Variants in BCAR3 observed in about 807,000 individuals in gnomAD.
The protein encoded by BCAR3 is breast cancer anti-estrogen resistance protein 3.
Under a neutral mutation model 80.1 loss-of-function variants are expected in BCAR3, and 37 were observed. That is an observed-to-expected ratio of 0.46 (90% CI 0.36 to 0.61). BCAR3 has a LOEUF of 0.61. Ranked by LOEUF, BCAR3 falls within the 20% of genes least tolerant of loss-of-function variation. The pLI is 0.00. For synonymous variants in BCAR3, 389 were observed against 418.9 expected, an observed-to-expected ratio of 0.93 and a Z score of 0.87; for missense variants, 978 against 1,068.2, an observed-to-expected ratio of 0.92 and a Z score of 1.18.
chr1:93,616,855 C>T (rs1330230627), intron 3 of BCAR3, among the ~76,000 whole-genome samples: 2 of 152,230 alleles, frequency 1.3e-5, no homozygotes, highest in Non-Finnish European at 2.9e-5. Flanking sequence ...ACAGGGTGAA[C>T]TCCCATCCAC....
intron 2 of BCAR3, among the ~76,000 whole-genome samples, chr1:93,657,330 A>G (rs1446594763): frequency 6.6e-6 from 1 of 152,212 alleles, no homozygotes; most frequent in Non-Finnish European, 1.5e-5. Flanking sequence ...TCCCACAAAG[A>G]AAATATCAGG....
intron 3 of BCAR3, among the ~76,000 whole-genome samples, chr1:93,611,171 T>A (rs1674937057): frequency 6.6e-6 from 1 of 152,204 alleles, no homozygotes. Context: ...AAAGAACTCA[T>A]ACATTTGAAA....
At chr1:93,639,475 ATTT>A (rs139593635) in intron 3 of BCAR3, among the ~76,000 whole-genome samples, 1 of 128,096 alleles carries the variant, frequency 7.8e-6, no homozygotes, top group Admixed American at 8.0e-5. Flanking sequence ...GGGGAGCAGC[ATTT>A]TTTTTTTTTT....
At chr1:93,756,471 C>T (rs1254565405) in intron 2 of BCAR3, among the ~76,000 whole-genome samples, 1 of 152,186 alleles carries the variant, frequency 6.6e-6, no homozygotes, top group Non-Finnish European at 1.5e-5. Context: ...AACCGAAGAG[C>T]CCAGCACCAC....
intron 2 of BCAR3, among the ~76,000 whole-genome samples, chr1:93,778,435 C>A (rs1652650097): frequency 6.6e-6 from 1 of 152,052 alleles, no homozygotes; most frequent in Admixed American, 6.6e-5. Flanking sequence ...TACTTATTTG[C>A]TCTATCCTAT....
At chr1:93,624,067 G>A (rs1675388661) in intron 3 of BCAR3, among the ~76,000 whole-genome samples, 1 of 152,174 alleles carries the variant, frequency 6.6e-6, no homozygotes, top group African/African-American at 2.4e-5. Context: ...AGGGATTCAT[G>A]TTGTTGGAAT....
chr1:93,728,466 C>G (rs1264553975), intron 2 of BCAR3, among the ~76,000 whole-genome samples: 1 of 152,220 alleles, frequency 6.6e-6, no homozygotes, highest in African/African-American at 2.4e-5. Context: ...GTTGCAAGGA[C>G]AGAGGGCTTT....
At chr1:93,633,982 C>T (rs1375292829) in intron 3 of BCAR3, among the ~76,000 whole-genome samples, 6 of 152,196 alleles carry the variant, frequency 3.9e-5, no homozygotes, top group Non-Finnish European at 7.4e-5. Flanking sequence ...CAAAAGTCAC[C>T]CTTTTCAGTA....
At chr1:93,700,605 C>T (rs1649605427) in intron 3 of BCAR3, among the ~76,000 whole-genome samples, 2 of 152,178 alleles carry the variant, frequency 1.3e-5, no homozygotes, top group Non-Finnish European at 2.9e-5. Context: ...GCCCCTCTCC[C>T]CTCCTTGGCA....
chr1:93,580,875 G>C (rs1017885848), intron 7 of BCAR3, among the ~76,000 whole-genome samples: 1 of 152,150 alleles, frequency 6.6e-6, no homozygotes, highest in African/African-American at 2.4e-5. Context: ...AAAAAATGGT[G>C]ATGGGCCGGG....
Position 93,582,744 on chromosome 1 carries a change from C to G in BCAR3, c.1243G>C (p.Val415Leu). Residue 415 changes from valine (V) to leucine (L), a missense_variant, in exon 7 of 12, where the codon GTT (valine) becomes CTT (leucine). Val to Leu is a conservative substitution (Grantham distance 32). Coordinates refer to ENST00000260502, the MANE Select transcript of BCAR3 (RefSeq NM_003567.4). ...AGCCAGGCAGAGGGAGACGAGGGAA[C>G]CTTGAGGAACGGCACCTTGCAGGGC... ...PKPCKVPFLKVPSSPSAWLNS... is the reference protein window; with the variant it reads ...PKPCKVPFLKLPSSPSAWLNS... The G allele has an allele frequency of 6.2e-7, 1 of 1,614,108 alleles. No homozygotes were observed.
At chr1:93,564,615 C>A (rs919909468) in intron 11 of BCAR3, among the ~76,000 whole-genome samples, 124 of 152,196 alleles carry the variant, frequency 8.1e-4, no homozygotes, top group African/African-American at 3.0e-3. Context: ...CAAAGAATTT[C>A]TCCTATGTTT....
At chr1:93,665,751 C>A (rs1262771568) in intron 2 of BCAR3, among the ~76,000 whole-genome samples, 2 of 152,182 alleles carry the variant, frequency 1.3e-5, no homozygotes, top group African/African-American at 4.8e-5. Context: ...TTAGCAAACC[C>A]CAAACAGAAG....
chr1:93,735,365 C>T (rs1004441856), intron 2 of BCAR3, among the ~76,000 whole-genome samples: 1 of 152,222 alleles, frequency 6.6e-6, no homozygotes, highest in African/African-American at 2.4e-5. Context: ...TCCTCTCCCA[C>T]TCCTCACATG....
intron 2 of BCAR3, among the ~76,000 whole-genome samples, chr1:93,767,094 A>G (rs1652179686): frequency 6.6e-6 from 1 of 152,190 alleles, no homozygotes; most frequent in Non-Finnish European, 1.5e-5. Flanking sequence ...TAGTTGACTG[A>G]TTTTTGAATC....
chr1:93,819,082 T>C (rs1178106866), intron 2 of BCAR3, among the ~76,000 whole-genome samples: 1 of 152,170 alleles, frequency 6.6e-6, no homozygotes, highest in East Asian at 1.9e-4. Flanking sequence ...TTTTTTTTTT[T>C]TCTGAGATGG....
chr1:93,614,894 G>T (rs961388772), intron 3 of BCAR3, among the ~76,000 whole-genome samples: 13 of 151,904 alleles, frequency 8.6e-5, no homozygotes, highest in Non-Finnish European at 2.9e-5. Context: ...AGGCCCTCCT[G>T]GATTCCCTGC....
intron 2 of BCAR3, among the ~76,000 whole-genome samples, chr1:93,659,842 C>A (rs1236975295): frequency 6.6e-6 from 1 of 152,016 alleles, no homozygotes; most frequent in South Asian, 2.1e-4. Context: ...CCCACACACA[C>A]AACTCATACA....
intron 2 of BCAR3, among the ~76,000 whole-genome samples, chr1:93,815,354 G>A (rs1256923098): frequency 2.0e-5 from 3 of 152,184 alleles, no homozygotes; most frequent in African/African-American, 4.8e-5. Context: ...AGAGAAAGAA[G>A]AGAAACATTT....
Sources: allele counts gnomAD v4.1 joint callset (sites outside exome capture counted in the v4.1 genomes callset), GRCh38; gene constraint gnomAD v4.1.1; transcripts MANE v1.5; gene names NCBI Gene and HGNC (gene_info 2026-07-23, HGNC 2026-07-21).